Variants in SLC35D4 observed in about 807,000 individuals in gnomAD.
SLC35D4 encodes the protein solute carrier family 35 member D4, also known as UDP-N-acetylglucosamine transporter SLC35D4.
chr18:23,410,919 A>T, the SLC35D4 span, among the ~76,000 whole-genome samples: 2 of 152,200 alleles, frequency 1.3e-5, no homozygotes, highest in Admixed American at 6.5e-5. Flanking sequence ...AGGCCTGAAC[A>T]TTAGGAACAA....
the SLC35D4 span, among the ~76,000 whole-genome samples, chr18:23,245,087 AC>A: frequency 2.4e-4 from 37 of 152,018 alleles, no homozygotes; most frequent in Non-Finnish European, 5.0e-4. Flanking sequence ...CTCCCGTTAT[AC>A]CCCAGCCCAC....
At chr18:23,343,413 G>A in the SLC35D4 span, among the ~76,000 whole-genome samples, 3,761 of 151,988 alleles carry the variant, frequency 0.025, 52 homozygotes, top group Middle Eastern at 0.058. Context: ...GGCTAATTTT[G>A]TATTTTTAGT....
chr18:23,355,382 T>C, the SLC35D4 span, among the ~76,000 whole-genome samples: 4 of 152,102 alleles, frequency 2.6e-5, no homozygotes, highest in African/African-American at 7.2e-5. Context: ...TGCTTGCCCA[T>C]GCTGCCAAAT....
the SLC35D4 span, among the ~76,000 whole-genome samples, chr18:23,359,520 C>T: frequency 2.6e-5 from 4 of 152,136 alleles, no homozygotes; most frequent in South Asian, 8.3e-4. Flanking sequence ...GAGTGAATCC[C>T]ATCTTTCTAA....
At chr18:23,347,038 G>A in the SLC35D4 span, among the ~76,000 whole-genome samples, 29 of 152,264 alleles carry the variant, frequency 1.9e-4, no homozygotes, top group African/African-American at 7.0e-4. Flanking sequence ...TAACTTGGGA[G>A]TTATTCCCTC....
the SLC35D4 span, chr18:23,368,892 A>C: frequency 1.8e-6 from 1 of 568,490 alleles, no homozygotes; most frequent in South Asian, 2.8e-5. Context: ...AAAAGTATTT[A>C]ATATTCAAAA....
chr18:23,380,497 A>G, the SLC35D4 span, among the ~76,000 whole-genome samples: 177 of 152,156 alleles, frequency 1.2e-3, no homozygotes, highest in African/African-American at 4.2e-3. Flanking sequence ...TGCTCCTCCC[A>G]TGCCGAATTA....
the SLC35D4 span, among the ~76,000 whole-genome samples, chr18:23,291,101 A>G: frequency 6.6e-6 from 1 of 152,250 alleles, no homozygotes; most frequent in Non-Finnish European, 1.5e-5. Context: ...CTTTGAGCCA[A>G]TGGCTAAGGG....
the SLC35D4 span, among the ~76,000 whole-genome samples, chr18:23,397,618 G>A: frequency 5.9e-5 from 9 of 152,324 alleles, no homozygotes; most frequent in Non-Finnish European, 1.3e-4. Flanking sequence ...CTTTTGCTTA[G>A]ACCAGTTTTT....
the SLC35D4 span, among the ~76,000 whole-genome samples, chr18:23,417,021 T>C: frequency 6.6e-6 from 1 of 152,210 alleles, no homozygotes; most frequent in Admixed American, 6.5e-5. Context: ...AGGGGAGGAC[T>C]GCTTGAGGTC....
chr18:23,263,442 C>G, the SLC35D4 span, among the ~76,000 whole-genome samples: 1 of 152,230 alleles, frequency 6.6e-6, no homozygotes, highest in Admixed American at 6.5e-5. Context: ...GTGGGGCCCA[C>G]GTCTGAGCCC....
At chr18:23,388,460 T>C in the SLC35D4 span, among the ~76,000 whole-genome samples, 2 of 152,282 alleles carry the variant, frequency 1.3e-5, no homozygotes, top group African/African-American at 4.8e-5. Flanking sequence ...GCTGGTTCAG[T>C]GGCAAAGCCA....
chr18:23,387,820 T>C, the SLC35D4 span, among the ~76,000 whole-genome samples: 2 of 152,224 alleles, frequency 1.3e-5, no homozygotes, highest in Non-Finnish European at 2.9e-5. Context: ...TTAGCTTCTA[T>C]TTTTTCATTT....
chr18:23,278,772 G>A, the SLC35D4 span, among the ~76,000 whole-genome samples: 6 of 152,172 alleles, frequency 3.9e-5, no homozygotes, highest in Middle Eastern at 3.4e-3. Context: ...TTGGGAGGCC[G>A]AGGTGAAAGG....
the SLC35D4 span, among the ~76,000 whole-genome samples, chr18:23,397,111 GGTA>G: frequency 4.6e-5 from 7 of 152,006 alleles, no homozygotes; most frequent in South Asian, 2.1e-4. Context: ...GCGGGGGGAG[GGTA>G]AAGCACTCCA....
the SLC35D4 span, among the ~76,000 whole-genome samples, chr18:23,248,510 G>GTTTTTTTT: frequency 1.1e-5 from 1 of 92,358 alleles, no homozygotes; most frequent in African/African-American, 4.9e-5. Flanking sequence ...AAGACCCTAT[G>GTTTTTTTT]TCTTTTTTTT....
chr18:23,295,362 TA>T, the SLC35D4 span, among the ~76,000 whole-genome samples: 8 of 151,392 alleles, frequency 5.3e-5, no homozygotes, highest in Non-Finnish European at 1.5e-5. Context: ...GAATTAAAAA[TA>T]AAAAAAATTT....
the SLC35D4 span, chr18:23,365,697 A>T: frequency 6.2e-7 from 1 of 1,611,252 alleles, no homozygotes; most frequent in Non-Finnish European, 8.5e-7. Context: ...AGTAGTCAAG[A>T]AGTTTCCCCG....
chr18:23,314,220 C>T, the SLC35D4 span, among the ~76,000 whole-genome samples: 1 of 152,228 alleles, frequency 6.6e-6, no homozygotes, highest in African/African-American at 2.4e-5. Flanking sequence ...TCCTTGCCTT[C>T]CTCTTCAGAA....
Sources: allele counts gnomAD v4.1 joint callset (sites outside exome capture counted in the v4.1 genomes callset), GRCh38; gene constraint gnomAD v4.1.1; transcripts MANE v1.5; gene names NCBI Gene and HGNC (gene_info 2026-07-23, HGNC 2026-07-21).